Variants in SMG1 observed in about 807,000 individuals in gnomAD.
The protein encoded by SMG1 is SMG1 nonsense mediated mRNA decay associated PI3K related kinase.
Under a neutral mutation model 419.9 loss-of-function variants are expected in SMG1, and 22 were observed. That is an observed-to-expected ratio of 0.05 (90% CI 0.04 to 0.07). The LOEUF (loss-of-function observed/expected upper bound fraction) is 0.07, where lower values mean the gene tolerates loss of function less well. SMG1 is among the 10% of genes least tolerant of loss of function. SMG1 has a pLI of 1.00. For missense variants in SMG1, 3,185 were observed against 4,342.0 expected (o/e 0.73, Z 7.49); for synonymous variants, 1,538 against 1,553.5 (o/e 0.99, Z 0.23).
At chr16:18,892,872 T>C (rs1320350333) in intron 3 of SMG1, among the ~76,000 whole-genome samples, 1 of 152,120 alleles carries the variant, frequency 6.6e-6, no homozygotes, top group Non-Finnish European at 1.5e-5. Flanking sequence ...CAAAAAAATA[T>C]TTGCTGAAGG....
Position 18,835,930 on chromosome 16 carries a change from T to C in SMG1, c.8057+3A>G. On this transcript the variant is annotated splice_donor_region_variant and intron_variant, in intron 48 of 62. Transcript: ENST00000446231. ...AAAAGAAAATTAAGCACTATCAACT[T>C]ACTTCCTATAGAGCTCTTGACAACG... 6.4e-7 allele frequency: 1 copy of C among 1,551,114 alleles called. No individual in the cohort carries two copies. Among genetic ancestry groups the C allele is most frequent in the Non-Finnish European group, 8.7e-7 (1 of 1,146,262 alleles).
At position 18,838,266 on chromosome 16, in the gene SMG1, C is replaced by T. The variant is rs1353148030; in HGVS notation, c.7195-34G>A. On this transcript the variant is annotated intron_variant, in intron 44 of 62. Transcript: ENST00000446231. Reference sequence around the variant, plus strand: ...AGGAGAGTTTTTAAAATAAGGTCTGCCACAAGTTTCATCACTAAAGTGTGG... The same window carrying T: ...AGGAGAGTTTTTAAAATAAGGTCTGTCACAAGTTTCATCACTAAAGTGTGG... 8.1e-6 allele frequency: 13 copies of T among 1,609,222 alleles called. No individual in the cohort carries two copies. The African/African-American group carries it at 1.6e-4, about 20-fold the overall frequency.
At chr16:18,828,400 A>G (rs2032913600) in intron 54 of SMG1, among the ~76,000 whole-genome samples, 1 of 152,208 alleles carries the variant, frequency 6.6e-6, no homozygotes, top group East Asian at 1.9e-4. Context: ...ACTCACATGC[A>G]CCATTTAAAT....
At chr16:18,879,159 T>G (rs1268601166) in intron 11 of SMG1, 4 of 335,386 alleles carry the variant, frequency 1.2e-5, no homozygotes, top group African/African-American at 8.5e-5. Flanking sequence ...TTTTGTCACC[T>G]TGGCTGAGTG....
chr16:18,918,581 C>T (rs905249057), intron 1 of SMG1, among the ~76,000 whole-genome samples: 3 of 152,174 alleles, frequency 2.0e-5, no homozygotes, highest in African/African-American at 7.2e-5. Context: ...GACAGTCTCA[C>T]TCTGTCACCC....
intron 60 of SMG1, among the ~76,000 whole-genome samples, chr16:18,814,877 C>CTTT (rs10582593): frequency 8.1e-6 from 1 of 123,988 alleles, no homozygotes; most frequent in African/African-American, 3.1e-5. Flanking sequence ...CTCGCCCGGC[C>CTTT]TTTTTTTTTT....
intron 26 of SMG1, among the ~76,000 whole-genome samples, chr16:18,860,247 A>G (rs2035144977): frequency 1.3e-5 from 2 of 152,198 alleles, no homozygotes; most frequent in South Asian, 4.1e-4. Context: ...AAGTCAATCT[A>G]CTATTTAAGG....
At chr16:18,910,182 T>G (rs1333119327) in intron 1 of SMG1, among the ~76,000 whole-genome samples, 1 of 150,592 alleles carries the variant, frequency 6.6e-6, no homozygotes, top group African/African-American at 2.4e-5. Context: ...TCCTCCCACC[T>G]CAGCCTCCCA....
chr16:18,858,390 C>T (rs1333763923), intron 28 of SMG1, 100 bp from the exon 29 acceptor site: 1 of 1,077,794 alleles, frequency 9.3e-7, no homozygotes, highest in African/African-American at 1.6e-5. Flanking sequence ...TATAGTTTGG[C>T]TACTTCAGAT....
At chr16:18,915,424 A>G (rs1596656791) in intron 1 of SMG1, among the ~76,000 whole-genome samples, 6 of 152,164 alleles carry the variant, frequency 3.9e-5, no homozygotes, top group Admixed American at 3.3e-4. Context: ...ACATCCTACA[A>G]GAACAGTGTT....
At chr16:18,904,078 C>T (rs2037459486) in intron 1 of SMG1, among the ~76,000 whole-genome samples, 1 of 151,038 alleles carries the variant, frequency 6.6e-6, no homozygotes, top group Non-Finnish European at 1.5e-5. Context: ...GCTGGAACTA[C>T]AGGCGCCCAA....
intron 47 of SMG1, 72 bp downstream of exon 47, chr16:18,836,288 G>T: frequency 6.3e-7 from 1 of 1,590,302 alleles, no homozygotes; most frequent in Non-Finnish European, 8.6e-7. Flanking sequence ...CACAAACCAG[G>T]ACCCCACACA....
At chr16:18,864,187 CTTTTT>C (rs748193551) in intron 23 of SMG1, 43 bp from the exon 24 acceptor site, 1,707 of 595,378 alleles carry the variant, frequency 2.9e-3, no homozygotes, top group East Asian at 3.6e-3. Context: ...TATCTACTTA[CTTTTT>C]TTTTTTTTTT....
intron 56 of SMG1, 59 bp from the exon 57 acceptor site, chr16:18,817,529 G>A: frequency 2.2e-6 from 3 of 1,340,120 alleles, no homozygotes; most frequent in Non-Finnish European, 3.0e-6. Context: ...AAAGGGAGGT[G>A]GCAATTAATA....
intron 13 of SMG1, among the ~76,000 whole-genome samples, chr16:18,873,628 G>A (rs1461146568): frequency 6.6e-6 from 1 of 152,218 alleles, no homozygotes; most frequent in African/African-American, 2.4e-5. Flanking sequence ...CAAAAAACAA[G>A]TGCTGGGCTG....
intron 1 of SMG1, among the ~76,000 whole-genome samples, chr16:18,912,233 A>G (rs2037822823): frequency 6.6e-6 from 1 of 151,090 alleles, no homozygotes; most frequent in African/African-American, 2.4e-5. Flanking sequence ...TTCACATAGG[A>G]GAATAGTTTT....
chr16:18,836,152 A>T lies in SMG1; in HGVS notation c.7838T>A (p.Ile2613Asn). The T allele has an allele frequency of 6.2e-7, 1 of 1,611,510 alleles. No individual in the cohort carries two copies. The highest frequency in any genetic ancestry group is 1.1e-5 in the South Asian group (1 of 90,480). ...FLQNAGQAHL[I>N]SQCEQLEGEV... ...CCCCTCCAGCTGCTCGCACTGGCTAATCAAGTGGGCCTGACCAGCATTCTG... is the reference window on the plus strand; with the variant it reads ...CCCCTCCAGCTGCTCGCACTGGCTATTCAAGTGGGCCTGACCAGCATTCTG... Residue 2613 changes from isoleucine to asparagine, a missense_variant, in exon 48 of 63, where the codon ATT becomes AAT. Physicochemically the swap from Ile to Asn is moderately radical, Grantham distance 149 (BLOSUM62 -3). This residue lies in a region of SMG1 where 412 missense variants were observed against 546.6 expected (regional missense o/e 0.75). Coordinates refer to ENST00000446231, the MANE Select transcript of SMG1 (RefSeq NM_015092.5).
chr16:18,900,033 C>T, intron 1 of SMG1: 1 of 1,527,354 alleles, frequency 6.5e-7, no homozygotes, highest in Non-Finnish European at 8.8e-7. Context: ...TGATGTTTTG[C>T]ATCAAGTCAA....
intron 15 of SMG1, among the ~76,000 whole-genome samples, chr16:18,871,945 T>C (rs1360167350): frequency 4.6e-5 from 7 of 151,724 alleles, no homozygotes; most frequent in Non-Finnish European, 8.8e-5. Flanking sequence ...TATTCTTCTA[T>C]GAAACACTGG....
Sources: gnomAD v4.1 joint callset for allele counts (sites outside exome capture counted in the v4.1 genomes callset) on GRCh38, gnomAD v4.1.1 for gene constraint, gnomAD v4.1.1 regional missense constraint, MANE v1.5 for transcripts, NCBI Gene and HGNC (gene_info 2026-07-23, HGNC 2026-07-21) for gene names.